DHRS7B: variants seen among roughly 807,000 people sequenced by gnomAD.
DHRS7B encodes dehydrogenase/reductase 7B.
A neutral mutation model predicts 26.4 loss-of-function variants in DHRS7B; 24 were observed. The ratio of observed to expected loss-of-function variants is 0.91; its 90% CI spans 0.66 to 1.28. DHRS7B has a LOEUF of 1.28. Among genes scored for constraint, DHRS7B ranks in the 50% most tolerant of loss-of-function variants. DHRS7B has a pLI of 0.00. For missense variants in DHRS7B, 368 were observed against 419.4 expected (o/e 0.88, Z 1.07); for synonymous variants, 142 against 166.4 (o/e 0.85, Z 1.13).
chr17:21,140,128 C>T (rs1287383912), intron 1 of DHRS7B, among the ~76,000 whole-genome samples: 1 of 146,370 alleles, frequency 6.8e-6, no homozygotes, highest in Non-Finnish European at 1.5e-5. Context: ...GGGTTCACGC[C>T]ATTCTCTTGC....
intron 1 of DHRS7B, among the ~76,000 whole-genome samples, chr17:21,142,687 C>G (rs1973544385): frequency 6.6e-6 from 1 of 151,934 alleles, no homozygotes; most frequent in Non-Finnish European, 1.5e-5. Flanking sequence ...CCCTCACCCC[C>G]CTCCCCCGCC....
intron 2 of DHRS7B, among the ~76,000 whole-genome samples, chr17:21,173,556 AG>A (rs1486022670): frequency 6.6e-6 from 1 of 152,216 alleles, no homozygotes. Context: ...ACAGAGAGGC[AG>A]GTGGGTCTTT....
intron 1 of DHRS7B, among the ~76,000 whole-genome samples, chr17:21,159,238 T>TTTTC (rs547814079): frequency 6.9e-6 from 1 of 145,076 alleles, no homozygotes; most frequent in Non-Finnish European, 1.5e-5. Flanking sequence ...AATATTTTCT[T>TTTTC]TTTCTTTCTT....
chr17:21,187,633 CAAAAA>C (rs370213730), intron 5 of DHRS7B, among the ~76,000 whole-genome samples: 1 of 99,686 alleles, frequency 1.0e-5, no homozygotes, highest in Non-Finnish European at 2.0e-5. Flanking sequence ...GACTCTGTCT[CAAAAA>C]AAAAAAAAAA....
intron 1 of DHRS7B, among the ~76,000 whole-genome samples, chr17:21,154,771 G>A (rs1323670953): frequency 1.3e-5 from 2 of 152,088 alleles, no homozygotes; most frequent in Non-Finnish European, 2.9e-5. Flanking sequence ...ATAAATATGT[G>A]TTTATGTATT....
At chr17:21,164,340 T>C (rs1176005292) in intron 1 of DHRS7B, among the ~76,000 whole-genome samples, 1 of 152,174 alleles carries the variant, frequency 6.6e-6, no homozygotes, top group Non-Finnish European at 1.5e-5. Context: ...CTTGCTTAAT[T>C]AAGTTTCTGA....
chr17:21,127,793 G>A (rs1225728012), intron 1 of DHRS7B: 1 of 152,160 alleles, frequency 6.6e-6, no homozygotes, highest in Non-Finnish European at 1.5e-5. Context: ...TACTTTTGAA[G>A]TAACGTTTGG....
chr17:21,163,598 T>C (rs1460478435), intron 1 of DHRS7B, among the ~76,000 whole-genome samples: 1 of 152,174 alleles, frequency 6.6e-6, no homozygotes, highest in Admixed American at 6.5e-5. Flanking sequence ...GTGCTTAAAA[T>C]TGCATCAGGT....
At chr17:21,168,654 G>T in intron 1 of DHRS7B, 1 of 922,070 alleles carries the variant, frequency 1.1e-6, no homozygotes, top group Non-Finnish European at 1.3e-6. Context: ...CAGGCGCGAG[G>T]CACTGCGTTT....
rs373237004 is a variant in DHRS7B at position 21,178,213 on chromosome 17, G to T, written c.200-20G>T. 6.2e-6 allele frequency: 10 copies of T among 1,610,468 alleles called. No homozygotes were observed. Among genetic ancestry groups the T allele is most frequent in the Non-Finnish European group, 8.5e-6 (10 of 1,176,906 alleles). On this transcript the variant is annotated intron_variant, in intron 2 of 6. Transcript: ENST00000395511. ...GCACTGAGGAAGAATGGCTGTCAAG[G>T]CTCTTTTCTCTTCCCTTAGAATGTG... is the stretch of plus-strand genomic sequence containing the variant.
At chr17:21,130,127 G>A (rs1421126605) in intron 1 of DHRS7B, among the ~76,000 whole-genome samples, 3 of 152,220 alleles carry the variant, frequency 2.0e-5, no homozygotes, top group Non-Finnish European at 4.4e-5. Flanking sequence ...GCTGAGCACG[G>A]TGGCTCACGC....
At chr17:21,181,278 G>T (rs1974509653) in intron 3 of DHRS7B, among the ~76,000 whole-genome samples, 1 of 152,114 alleles carries the variant, frequency 6.6e-6, no homozygotes, top group Non-Finnish European at 1.5e-5. Flanking sequence ...TAGGGACAGG[G>T]TCCTGCTATG....
chr17:21,136,115 A>T (rs1374313400), intron 1 of DHRS7B, among the ~76,000 whole-genome samples: 1 of 152,058 alleles, frequency 6.6e-6, no homozygotes, highest in African/African-American at 2.4e-5. Flanking sequence ...CCTGGCCAAC[A>T]TGGTGAAACC....
chr17:21,139,681 A>T (rs1030102572), intron 1 of DHRS7B, among the ~76,000 whole-genome samples: 1 of 152,092 alleles, frequency 6.6e-6, no homozygotes, highest in Non-Finnish European at 1.5e-5. Flanking sequence ...TCTCAAAAAA[A>T]AAAAATAAAT....
intron 1 of DHRS7B, among the ~76,000 whole-genome samples, chr17:21,136,086 G>C (rs1973333659): frequency 2.0e-5 from 3 of 152,016 alleles, no homozygotes; most frequent in Admixed American, 1.3e-4. Context: ...ATCACCTGAG[G>C]TCAGGAGTTC....
At chr17:21,187,254 G>A (rs1463964769) in intron 5 of DHRS7B, among the ~76,000 whole-genome samples, 2 of 151,798 alleles carry the variant, frequency 1.3e-5, no homozygotes, top group African/African-American at 4.8e-5. Context: ...CCAGGAAGTC[G>A]AGGCTGCAAG....
Position 21,191,059 on chromosome 17 carries a change from C to T in DHRS7B, c.884C>T (p.Ser295Phe), listed in dbSNP as rs536195532. ...GTGATCCTGGCTGACTTACTGCCTT[C>T]CTTGGCTGTTTATCTTCGAACTCTG... ...KDVILADLLP[S>F]LAVYLRTLAP... The change falls in exon 7 of 7, where the codon TCC (serine) becomes TTC (phenylalanine). Residue 295 changes from serine to phenylalanine, a missense_variant. Ser to Phe is a radical substitution (Grantham distance 155). Transcript: ENST00000395511. 2 of 1,614,254 alleles carry T rather than the reference C, an allele frequency of 1.2e-6. No individual in the cohort carries two copies. Among genetic ancestry groups the T allele is most frequent in the East Asian group, 4.5e-5 (2 of 44,890 alleles).
chr17:21,133,004 A>G (rs1298877233), intron 1 of DHRS7B, among the ~76,000 whole-genome samples: 1 of 152,082 alleles, frequency 6.6e-6, no homozygotes, highest in East Asian at 1.9e-4. Flanking sequence ...TAGCCATGTG[A>G]CTTCACGTAC....
At chr17:21,138,099 T>TAC (rs1449609485) in intron 1 of DHRS7B, among the ~76,000 whole-genome samples, 12 of 87,678 alleles carry the variant, frequency 1.4e-4, no homozygotes, top group South Asian at 4.6e-4. Context: ...TATATATATA[T>TAC]ATACACACAC....
Sources: allele counts gnomAD v4.1 joint callset (sites outside exome capture counted in the v4.1 genomes callset), GRCh38; gene constraint gnomAD v4.1.1; transcripts MANE v1.5; gene names NCBI Gene and HGNC (gene_info 2026-07-23, HGNC 2026-07-21).